Variants in PHC2 observed in about 807,000 individuals in gnomAD.
PHC2 encodes the protein polyhomeotic-like protein 2.
In PHC2, 29 loss-of-function variants were observed where a neutral mutation model predicts 87.4. The observed-to-expected ratio is 0.33, with a 90% CI of 0.25 to 0.45. The LOEUF is 0.45. Ranked by LOEUF, PHC2 falls within the 20% of genes least tolerant of loss-of-function variation. The pLI is 1.00. For missense variants in PHC2, 857 were observed against 1,136.7 expected, an observed-to-expected ratio of 0.75 and a Z score of 3.54; for synonymous variants, 438 against 461.7, an observed-to-expected ratio of 0.95 and a Z score of 0.66.
rs60531391 is a variant in PHC2, at chr1:33,369,890, T to G, written c.576+531A>C. 1.3e-5 allele frequency among the ~76,000 whole-genome samples: 2 copies of G among 151,892 alleles called. No individual in the cohort carries two copies. Among genetic ancestry groups the G allele is most frequent in the East Asian group, 3.9e-4 (2 of 5,128 alleles). On this transcript the variant is annotated intron_variant, in intron 5 of 14. Transcript: ENST00000683057. The surrounding 1 kb of genome is among the most constrained non-coding windows in gnomAD (Gnocchi z 4.7). ...TCAGGGATAGGTGCAAAGGAAAGAGTTGGTGCTATCCTGAGTATATCCTGC... is the reference window on the plus strand; with the variant it reads ...TCAGGGATAGGTGCAAAGGAAAGAGGTGGTGCTATCCTGAGTATATCCTGC...
chr1:33,428,761 G>A (rs746956158), intron 1 of PHC2, among the ~76,000 whole-genome samples: 1 of 152,198 alleles, frequency 6.6e-6, no homozygotes, highest in Non-Finnish European at 1.5e-5. Context: ...GTGGAAACTG[G>A]GATGAAGAGA....
At chr1:33,367,055 T>G in intron 7 of PHC2, 61 bp downstream of exon 7, 2 of 1,398,298 alleles carry the variant, frequency 1.4e-6, no homozygotes, top group Non-Finnish European at 2.0e-6. Context: ...TGTGAAAGTC[T>G]CCTCCTGACT....
intron 1 of PHC2, among the ~76,000 whole-genome samples, chr1:33,381,004 G>A (rs747187827): frequency 1.2e-4 from 19 of 152,098 alleles, no homozygotes; most frequent in Non-Finnish European, 2.1e-4. Flanking sequence ...CCCCTCCCCT[G>A]AAATGCCTTC....
chr1:33,410,145 T>A (rs985357920), intron 1 of PHC2, among the ~76,000 whole-genome samples: 9 of 152,342 alleles, frequency 5.9e-5, no homozygotes, highest in Admixed American at 3.3e-4. Flanking sequence ...AGCTGGAATT[T>A]CCAGGAAAAA....
intron 13 of PHC2, 146 bp downstream of exon 13, chr1:33,329,925 G>A (rs1646453008): frequency 3.6e-6 from 3 of 841,556 alleles, no homozygotes; most frequent in Admixed American, 2.4e-5. Context: ...GGGTGCAGAA[G>A]GCTCGACTGG....
intron 9 of PHC2, among the ~76,000 whole-genome samples, chr1:33,335,827 G>A (rs1004296618): frequency 1.3e-5 from 2 of 151,840 alleles, no homozygotes; most frequent in Non-Finnish European, 2.9e-5. Context: ...TTGAACCCAG[G>A]GGGTGGAGGC....
intron 1 of PHC2, among the ~76,000 whole-genome samples, chr1:33,425,463 A>G (rs537500756): frequency 8.1e-4 from 124 of 152,350 alleles, no homozygotes; most frequent in South Asian, 1.9e-3. Context: ...TTCAAGAAAT[A>G]GTTTTAGGAA....
intron 12 of PHC2, among the ~76,000 whole-genome samples, chr1:33,330,629 G>C (rs1206563177): frequency 1.3e-5 from 2 of 152,182 alleles, no homozygotes; most frequent in Non-Finnish European, 2.9e-5. Flanking sequence ...GAAGATAGCT[G>C]AACTCTAGCT....
intron 14 of PHC2, chr1:33,325,814 A>T (rs747277371): frequency 2.2e-5 from 10 of 445,912 alleles, no homozygotes; most frequent in Non-Finnish European, 4.5e-5. Flanking sequence ...GAGTGCTGAC[A>T]TCAAACAGCT....
intron 14 of PHC2, 140 bp downstream of exon 14, chr1:33,328,730 C>A: frequency 1.4e-6 from 1 of 696,698 alleles, no homozygotes; most frequent in Non-Finnish European, 2.4e-6. Context: ...AGGCAGGGAG[C>A]TCATCTCACT....
chr1:33,416,287 G>T (rs926467902), intron 1 of PHC2, among the ~76,000 whole-genome samples: 2 of 151,900 alleles, frequency 1.3e-5, no homozygotes, highest in African/African-American at 2.4e-5. Context: ...CAGATTTCTG[G>T]CCAGGAGCGG....
Position 33,332,129 on chromosome 1 carries a change from G to A in PHC2, c.1891+146C>T, listed in dbSNP as rs1646513233. 2.4e-6 allele frequency: 2 copies of A among 848,632 alleles called. No homozygotes were observed. 52.6% of individuals were successfully genotyped at this position (848,632 alleles called of 1,614,324 possible). A position where few individuals can be genotyped will look rare whatever the true frequency, so the allele number is the denominator to read the frequency against. ...GATTTCCCCTATCCCTCTTTTTGAG[G>A]GAAGGAGGCTGAGGAGGTGCTGGGG... is the stretch of plus-strand genomic sequence containing the variant. On this transcript the variant is annotated intron_variant, in intron 11 of 14. Transcript: ENST00000683057. The surrounding 1 kb of genome is among the most constrained non-coding windows in gnomAD (Gnocchi z 4.2).
rs896361054 is a variant in PHC2 at position 33,349,813 on chromosome 1, G to A, written c.1558+4588C>T. The A allele has an allele frequency of 3.1e-6, 3 of 976,484 alleles. No individual in the cohort carries two copies. The highest frequency in any genetic ancestry group is 3.6e-6 in the Non-Finnish European group (3 of 824,724). 60.5% of individuals were successfully genotyped at this position (976,484 alleles called of 1,614,324 possible). ...CGCGAGGCCGGGACGGGGGCGCGAGGCCGGGGCGGGAGCGCGGGCGGCGGC... is the reference window on the plus strand; with the variant it reads ...CGCGAGGCCGGGACGGGGGCGCGAGACCGGGGCGGGAGCGCGGGCGGCGGC... On this transcript the variant is annotated intron_variant, in intron 9 of 14. Coordinates refer to ENST00000683057, the MANE Select transcript of PHC2 (RefSeq NM_001385109.1). The surrounding 1 kb of genome is among the most constrained non-coding windows in gnomAD (Gnocchi z 4.2).
At chr1:33,387,399 A>C (rs1276499911) in intron 1 of PHC2, among the ~76,000 whole-genome samples, 1 of 152,174 alleles carries the variant, frequency 6.6e-6, no homozygotes, top group Non-Finnish European at 1.5e-5. Flanking sequence ...TGGGGCTTTA[A>C]GCTCTTTGAT....
intron 9 of PHC2, among the ~76,000 whole-genome samples, chr1:33,336,135 C>T (rs1304196122): frequency 4.6e-5 from 7 of 151,788 alleles, no homozygotes; most frequent in African/African-American, 1.2e-4. Context: ...ATTACAGGCA[C>T]GTACCACCAT....
chr1:33,329,297 C>T (rs1053295655), intron 13 of PHC2, 151 bp from the exon 14 acceptor site: 2 of 719,458 alleles, frequency 2.8e-6, no homozygotes, highest in African/African-American at 1.8e-5. Flanking sequence ...TGTCCTGTCT[C>T]CTACCCTAGG....
chr1:33,362,596 A>G (rs1239593322), intron 7 of PHC2, among the ~76,000 whole-genome samples: 2 of 152,222 alleles, frequency 1.3e-5, no homozygotes, highest in Admixed American at 6.5e-5. Flanking sequence ...ACAGGGGCAC[A>G]GGACTGAGTT....
intron 1 of PHC2, among the ~76,000 whole-genome samples, chr1:33,402,775 A>G (rs1649592241): frequency 6.6e-6 from 1 of 152,176 alleles, no homozygotes; most frequent in Non-Finnish European, 1.5e-5. Context: ...AAATAACAGT[A>G]TATTGTTTAG....
chr1:33,425,298 T>C (rs1215362463), intron 1 of PHC2, among the ~76,000 whole-genome samples: 1 of 152,202 alleles, frequency 6.6e-6, no homozygotes, highest in Non-Finnish European at 1.5e-5. Context: ...TTTCTTTACA[T>C]TTAACCTTCA....
Sources: gnomAD v4.1 joint callset for allele counts (sites outside exome capture counted in the v4.1 genomes callset) on GRCh38, gnomAD v4.1.1 for gene constraint, Gnocchi (gnomAD v3.1) non-coding constraint, MANE v1.5 for transcripts, NCBI Gene and HGNC (gene_info 2026-07-23, HGNC 2026-07-21) for gene names.